The following SLC16A2 variants were observed in gnomAD, a reference collection of about 807,000 sequenced individuals.
SLC16A2 encodes the protein solute carrier family 16 member 2, also known as monocarboxylate transporter 8.
SLC16A2 carries 3 observed loss-of-function variants against 27.2 expected under a neutral mutation model. The observed-to-expected ratio is 0.11, with a 90% CI of 0.05 to 0.28. SLC16A2 has a LOEUF of 0.28. Ranked by LOEUF, SLC16A2 falls within the 10% of genes least tolerant of loss-of-function variation. SLC16A2 has a pLI of 1.00. For synonymous variants in SLC16A2, 202 were observed against 187.8 expected, an observed-to-expected ratio of 1.08 and a Z score of -0.62; for missense variants, 295 against 458.5, an observed-to-expected ratio of 0.64 and a Z score of 3.26.
chrX:74,469,190 A>G (rs1377185032), intron 1 of SLC16A2, among the ~76,000 whole-genome samples: 2 of 112,250 alleles, frequency 1.8e-5, no homozygotes, highest in South Asian at 3.7e-4. Flanking sequence ...TCCATTGAGT[A>G]TATGTTATCA....
chrX:74,508,151 T>C (rs768098438), intron 1 of SLC16A2, among the ~76,000 whole-genome samples: 105 of 112,286 alleles, frequency 9.4e-4, no homozygotes, highest in African/African-American at 3.2e-3. Context: ...CGAGATAATA[T>C]AAGTATTCTA....
intron 1 of SLC16A2, among the ~76,000 whole-genome samples, chrX:74,447,649 T>G (rs1428450622): frequency 3.7e-5 from 4 of 107,952 alleles, no homozygotes; most frequent in African/African-American, 1.4e-4. Context: ...CACTCCAGCC[T>G]GGGCAACAGA....
chrX:74,443,697 T>C (rs952241974), intron 1 of SLC16A2, among the ~76,000 whole-genome samples: 2 of 112,158 alleles, frequency 1.8e-5, no homozygotes, highest in African/African-American at 3.2e-5. Context: ...CAAAATGGGC[T>C]CAGGGAAGCC....
intron 1 of SLC16A2, chrX:74,473,011 C>T: frequency 4.0e-6 from 2 of 498,673 alleles, no homozygotes; most frequent in Admixed American, 2.5e-5. Flanking sequence ...GGTTTGTTTC[C>T]TAATTAAAAT....
At chrX:74,517,796 A>G (rs1930339127) in intron 1 of SLC16A2, among the ~76,000 whole-genome samples, 2 of 111,660 alleles carry the variant, frequency 1.8e-5, no homozygotes, top group Admixed American at 9.5e-5. Flanking sequence ...TCTGTAGTCA[A>G]TTGTCTCCCT....
chrX:74,489,564 C>CT (rs1569293858), intron 1 of SLC16A2, among the ~76,000 whole-genome samples: 1 of 111,719 alleles, frequency 9.0e-6, no homozygotes, highest in Non-Finnish European at 1.9e-5. Flanking sequence ...TTTGACTAGT[C>CT]TTTTTTTGAT....
intron 1 of SLC16A2, among the ~76,000 whole-genome samples, chrX:74,439,264 TCTCCCTTCCTTCCTCC>T (rs1369200187): frequency 4.0e-5 from 4 of 98,769 alleles, no homozygotes; most frequent in Non-Finnish European, 6.1e-5. Flanking sequence ...TCTCTTTCTC[TCTCCCTTCCTTCCTCC>T]CTCCCTTCCT....
At chrX:74,500,100 T>A (rs1245755848) in intron 1 of SLC16A2, among the ~76,000 whole-genome samples, 1 of 97,653 alleles carries the variant, frequency 1.0e-5, no homozygotes, top group Non-Finnish European at 2.2e-5. Context: ...TAAAATGAGG[T>A]ATAATTTGGC....
At chrX:74,517,483 G>C (rs1930334384) in intron 1 of SLC16A2, among the ~76,000 whole-genome samples, 1 of 110,426 alleles carries the variant, frequency 9.1e-6, no homozygotes, top group African/African-American at 3.3e-5. Flanking sequence ...TTTTCTCTTT[G>C]ACAATACAAC....
intron 1 of SLC16A2, among the ~76,000 whole-genome samples, chrX:74,476,523 CAGTGGTGAGAG>C (rs2147854354): frequency 9.0e-6 from 1 of 111,681 alleles, no homozygotes; most frequent in Admixed American, 9.5e-5. Flanking sequence ...TGTTGAATAG[CAGTGGTGAGAG>C]AGGGCATCCC....
chrX:74,525,987 G>A, intron 4 of SLC16A2, 94 bp downstream of exon 4: 1 of 1,008,175 alleles, frequency 9.9e-7, no homozygotes, highest in South Asian at 2.0e-5. Flanking sequence ...AGCTTGTTGT[G>A]TCGCATGGGA....
At position 74,531,415 on chromosome X, in the gene SLC16A2, C is replaced by G. The variant is rs996854214; in HGVS notation, c.1482C>G (p.Leu494=). 5 of 1,209,732 alleles carry G rather than the reference C, an allele frequency of 4.1e-6. No homozygotes were observed. In the African/African-American group the frequency reaches 8.7e-5, roughly 21 times the overall value. Reference sequence around the variant, plus strand: ...CCCCCATCATCGGGGCTGTAATCCTCTTCTTCGTCCCTCTGATGCATCAAA... The same window carrying G: ...CCCCCATCATCGGGGCTGTAATCCTGTTCTTCGTCCCTCTGATGCATCAAA... The part of the protein sequence containing the change: ...GVPPIIGAVI[L]FFVPLMHQRM... Residue 494 remains leucine (L), a synonymous_variant, in exon 6 of 6, where the codon CTC becomes CTG. Transcript: ENST00000587091.
At chrX:74,475,440 C>T (rs1197438621) in intron 1 of SLC16A2, among the ~76,000 whole-genome samples, 4 of 107,302 alleles carry the variant, frequency 3.7e-5, no homozygotes, top group African/African-American at 1.4e-4. Context: ...TGCCTGTTCA[C>T]TCTGATGGTA....
chrX:74,511,167 GT>G (rs971640654), intron 1 of SLC16A2, among the ~76,000 whole-genome samples: 1 of 110,871 alleles, frequency 9.0e-6, no homozygotes, highest in African/African-American at 3.3e-5. Flanking sequence ...GAGATTCGTG[GT>G]TTTTTTTATT....
intron 1 of SLC16A2, 72 bp downstream of exon 1, chrX:74,422,139 C>T (rs1928314405): frequency 9.5e-7 from 1 of 1,047,245 alleles, no homozygotes; most frequent in Non-Finnish European, 1.3e-6. Context: ...CGACCCCATA[C>T]CTCCCGGTCC....
chrX:74,492,926 G>C (rs1929858738), intron 1 of SLC16A2, among the ~76,000 whole-genome samples: 1 of 112,116 alleles, frequency 8.9e-6, no homozygotes, highest in Non-Finnish European at 1.9e-5. Context: ...TGCAGAAAGA[G>C]GGGGCTGTCT....
intron 1 of SLC16A2, among the ~76,000 whole-genome samples, chrX:74,466,566 A>G (rs1929254141): frequency 8.9e-6 from 1 of 112,549 alleles, no homozygotes; most frequent in Non-Finnish European, 1.9e-5. Flanking sequence ...TATATTGTTT[A>G]AGGAGTAATG....
chrX:74,477,836 G>A (rs1006878845), intron 1 of SLC16A2, among the ~76,000 whole-genome samples: 1 of 112,330 alleles, frequency 8.9e-6, no homozygotes, highest in South Asian at 3.7e-4. Context: ...TTGCACTGTG[G>A]TCTGAGAGGC....
At chrX:74,457,435 T>C in intron 1 of SLC16A2, among the ~76,000 whole-genome samples, 2 of 110,693 alleles carry the variant, frequency 1.8e-5, no homozygotes, top group Admixed American at 1.9e-4. Context: ...TGCACCTCAG[T>C]AGGTCCCCAA....
Sources: gnomAD v4.1 joint callset for allele counts (sites outside exome capture counted in the v4.1 genomes callset) on GRCh38, gnomAD v4.1.1 for gene constraint, MANE v1.5 for transcripts, NCBI Gene and HGNC (gene_info 2026-07-23, HGNC 2026-07-21) for gene names.